Variants in SORCS3 observed in about 807,000 individuals in gnomAD.
The protein encoded by SORCS3 is sortilin related VPS10 domain containing receptor 3, also known as VPS10 domain-containing receptor SorCS3.
Under a neutral mutation model 146.3 loss-of-function variants are expected in SORCS3, and 57 were observed. That is an observed-to-expected ratio of 0.39 (90% CI 0.31 to 0.49). SORCS3 has a LOEUF of 0.49. Among genes scored for constraint, SORCS3 ranks in the 20% least tolerant of loss-of-function variants. The pLI is 0.92. For missense variants in SORCS3, 1,341 were observed against 1,575.5 expected (o/e 0.85, Z 2.52); for synonymous variants, 653 against 618.5 (o/e 1.06, Z -0.83).
chr10:105,252,963 C>T (rs2056910061), intron 23 of SORCS3, 57 bp downstream of exon 23: 2 of 1,570,884 alleles, frequency 1.3e-6, no homozygotes, highest in Non-Finnish European at 1.7e-6. Context: ...CCTGAGAGGG[C>T]ACAAAGCTGT....
chr10:105,021,281 G>T (rs1230326368), intron 4 of SORCS3, among the ~76,000 whole-genome samples: 1 of 152,110 alleles, frequency 6.6e-6, no homozygotes, highest in Admixed American at 6.6e-5. Flanking sequence ...CAAAGAGAGG[G>T]CAAGAGAGAG....
intron 2 of SORCS3, among the ~76,000 whole-genome samples, chr10:104,909,156 G>A (rs2018939970): frequency 6.6e-6 from 1 of 152,082 alleles, no homozygotes; most frequent in Non-Finnish European, 1.5e-5. Flanking sequence ...ATTGTGCTTG[G>A]CTTGTTTGGA....
At chr10:105,010,865 A>G (rs919305866) in intron 4 of SORCS3, among the ~76,000 whole-genome samples, 2 of 152,148 alleles carry the variant, frequency 1.3e-5, no homozygotes, top group Admixed American at 1.3e-4. Flanking sequence ...AGTGTTAGCT[A>G]AACCTCATAT....
chr10:104,799,654 T>A (rs995744771), intron 1 of SORCS3, among the ~76,000 whole-genome samples: 2 of 151,284 alleles, frequency 1.3e-5, no homozygotes, highest in Admixed American at 6.6e-5. Context: ...GTAACAAAAC[T>A]GCACGTTCTG....
intron 2 of SORCS3, among the ~76,000 whole-genome samples, chr10:104,913,510 C>A (rs529239333): frequency 4.1e-4 from 62 of 152,198 alleles, no homozygotes; most frequent in African/African-American, 1.4e-3. Context: ...TAACTCATGA[C>A]CATGTGGAGC....
At chr10:105,226,993 C>CA (rs1461451798) in intron 20 of SORCS3, among the ~76,000 whole-genome samples, 10 of 151,582 alleles carry the variant, frequency 6.6e-5, no homozygotes, top group Admixed American at 5.3e-4. Flanking sequence ...TTTATCTTTT[C>CA]AAAAAAACCA....
intron 1 of SORCS3, among the ~76,000 whole-genome samples, chr10:104,833,618 C>A (rs2018032386): frequency 6.6e-6 from 1 of 152,114 alleles, no homozygotes; most frequent in Admixed American, 6.5e-5. Flanking sequence ...TTCGAGAGGT[C>A]CAAACAAACT....
chr10:105,119,229 G>A (rs533653384), intron 7 of SORCS3, among the ~76,000 whole-genome samples: 2 of 152,314 alleles, frequency 1.3e-5, no homozygotes, highest in South Asian at 2.1e-4. Flanking sequence ...GGTGGCTAAC[G>A]TGAGATGCTG....
At chr10:104,995,601 T>C (rs1214465630) in intron 4 of SORCS3, among the ~76,000 whole-genome samples, 1 of 152,232 alleles carries the variant, frequency 6.6e-6, no homozygotes, top group East Asian at 1.9e-4. Context: ...TATTTTAAAA[T>C]GGGCAACTTG....
intron 22 of SORCS3, 134 bp from the exon 23 acceptor site, chr10:105,252,641 A>C (rs1333710301): frequency 1.6e-5 from 17 of 1,049,728 alleles, no homozygotes; most frequent in Non-Finnish European, 2.3e-5. Flanking sequence ...CTGAATGTAT[A>C]TTGGAGCCTG....
At chr10:105,216,184 A>G (rs543339637) in intron 18 of SORCS3, among the ~76,000 whole-genome samples, 6 of 152,136 alleles carry the variant, frequency 3.9e-5, no homozygotes, top group Non-Finnish European at 8.8e-5. Context: ...AGGCTTAAGT[A>G]GATTTAGGGA....
At chr10:104,651,381 T>C (rs903126392) in intron 1 of SORCS3, among the ~76,000 whole-genome samples, 1 of 152,108 alleles carries the variant, frequency 6.6e-6, no homozygotes, top group Non-Finnish European at 1.5e-5. Context: ...TTAGAGATGA[T>C]GCCTATAAAG....
intron 4 of SORCS3, among the ~76,000 whole-genome samples, chr10:104,979,845 G>A (rs991525238): frequency 3.9e-5 from 6 of 152,068 alleles, no homozygotes; most frequent in African/African-American, 1.4e-4. Context: ...AAACAGTATT[G>A]AAAAAAGTAA....
At chr10:105,259,286 G>A (rs1429597778) in intron 25 of SORCS3, among the ~76,000 whole-genome samples, 1 of 152,230 alleles carries the variant, frequency 6.6e-6, no homozygotes, top group Non-Finnish European at 1.5e-5. Context: ...GAGCAGCACA[G>A]TTTAGTGTAA....
intron 4 of SORCS3, among the ~76,000 whole-genome samples, chr10:104,983,440 A>G (rs1392568822): frequency 6.6e-6 from 1 of 152,186 alleles, no homozygotes; most frequent in Non-Finnish European, 1.5e-5. Flanking sequence ...CGGCATGTAT[A>G]TGCTTTAAGA....
intron 3 of SORCS3, 140 bp from the exon 4 acceptor site, chr10:104,977,195 C>G: frequency 1.9e-6 from 1 of 532,200 alleles, no homozygotes; most frequent in East Asian, 3.5e-5. Flanking sequence ...AAAGTTAATA[C>G]AAGTATTTTT....
At chr10:104,777,998 T>C (rs2017329242) in intron 1 of SORCS3, among the ~76,000 whole-genome samples, 2 of 152,112 alleles carry the variant, frequency 1.3e-5, no homozygotes, top group African/African-American at 4.8e-5. Flanking sequence ...GAAGGTAAGC[T>C]CATTATTGAG....
At chr10:104,811,993 A>G (rs1343252789) in intron 1 of SORCS3, among the ~76,000 whole-genome samples, 1 of 152,228 alleles carries the variant, frequency 6.6e-6, no homozygotes, top group Non-Finnish European at 1.5e-5. Flanking sequence ...ATTTATATAA[A>G]CAAAAATAAA....
intron 5 of SORCS3, among the ~76,000 whole-genome samples, chr10:105,068,701 G>A (rs1316411371): frequency 1.3e-5 from 2 of 152,172 alleles, no homozygotes; most frequent in Non-Finnish European, 2.9e-5. Flanking sequence ...CAGTAATAAA[G>A]AACTGATGTT....
Sources: allele counts gnomAD v4.1 joint callset (sites outside exome capture counted in the v4.1 genomes callset), GRCh38; gene constraint gnomAD v4.1.1; transcripts MANE v1.5; gene names NCBI Gene and HGNC (gene_info 2026-07-23, HGNC 2026-07-21).